Variants in DNAH9 observed in about 807,000 individuals in gnomAD.
DNAH9 encodes the protein dynein axonemal heavy chain 9.
A neutral mutation model predicts 471.6 loss-of-function variants in DNAH9; 345 were observed. The observed-to-expected ratio is 0.73, with a 90% CI of 0.67 to 0.80. The LOEUF is 0.80. Among genes scored for constraint, DNAH9 ranks in the 30% least tolerant of loss-of-function variants. DNAH9 has a pLI of 0.00. For synonymous variants in DNAH9, 2,093 were observed against 2,123.6 expected, an observed-to-expected ratio of 0.99 and a Z score of 0.40; for missense variants, 5,407 against 5,609.2, an observed-to-expected ratio of 0.96 and a Z score of 1.15.
In DNAH9 at chr17:11,608,124, T is replaced by A. The variant is rs777758482; in HGVS notation, c.418-5T>A. The A allele has an allele frequency of 6.3e-7, 1 of 1,584,942 alleles. No individual in the cohort carries two copies. The highest frequency in any genetic ancestry group is 8.6e-7 in the Non-Finnish European group (1 of 1,161,662). On this transcript the variant is annotated splice_polypyrimidine_tract_variant and splice_region_variant and intron_variant, in intron 1 of 68. Coordinates refer to ENST00000262442, the MANE Select transcript of DNAH9 (RefSeq NM_001372.4). Reference sequence around the variant, plus strand: ...GCCTTTCTTTCCTGTGCACCTCTGTTCCAGGTTGTTCTACCCGTCCTGGCC... The same window carrying A: ...GCCTTTCTTTCCTGTGCACCTCTGTACCAGGTTGTTCTACCCGTCCTGGCC...
Position 11,937,413 on chromosome 17 carries a change from A to G in DNAH9, c.12551A>G (p.Glu4184Gly). The change falls in exon 66 of 69, where the codon GAG (glutamate) becomes GGG (glycine). Residue 4184 changes from glutamate (E) to glycine (G), a missense_variant. Glu to Gly is a moderately conservative substitution (Grantham distance 98). Around this residue, in one of 3 missense-constraint regions of DNAH9, gnomAD observed 4,636 missense variants for 4,900.3 expected, o/e 0.95. Transcript: ENST00000262442. The surrounding 1 kb of genome is among the most constrained non-coding windows in gnomAD (Gnocchi z 4.1). ...CTCTATGGCCTCCACCCGAACGCAG[A>G]GATTGGCTTCCTGACCCAAACCTCA... Reference protein sequence around the residue: ...PYLYGLHPNAEIGFLTQTSEK... With the variant: ...PYLYGLHPNAGIGFLTQTSEK... The G allele has an allele frequency of 6.2e-7, 1 of 1,614,096 alleles. No homozygotes were observed. The highest frequency in any genetic ancestry group is 8.5e-7 in the Non-Finnish European group (1 of 1,179,978).
chr17:11,599,676 G>A (rs1001375721), intron 1 of DNAH9, among the ~76,000 whole-genome samples: 3 of 152,154 alleles, frequency 2.0e-5, no homozygotes, highest in Non-Finnish European at 4.4e-5. Flanking sequence ...GCTCCAGAGA[G>A]ATTCCTGGGC....
intron 40 of DNAH9, 117 bp from the exon 41 acceptor site, chr17:11,784,183 G>T (rs1169061645): frequency 1.3e-6 from 2 of 1,513,758 alleles, no homozygotes; most frequent in Non-Finnish European, 8.9e-7. Flanking sequence ...TGAGAGATGG[G>T]ACCAAAATAT....
At chr17:11,909,452 C>T (rs969964474) in intron 61 of DNAH9, among the ~76,000 whole-genome samples, 6 of 152,188 alleles carry the variant, frequency 3.9e-5, no homozygotes, top group African/African-American at 1.4e-4. Flanking sequence ...CGGTCTTGAA[C>T]TGTCTCCCCT....
intron 22 of DNAH9, among the ~76,000 whole-genome samples, chr17:11,698,281 ATATT>A (rs2074527213): frequency 7.3e-6 from 1 of 136,412 alleles, no homozygotes; most frequent in Non-Finnish European, 1.5e-5. Flanking sequence ...AATATATTAT[ATATT>A]AATAATTATA....
intron 19 of DNAH9, among the ~76,000 whole-genome samples, chr17:11,686,443 C>G (rs946850868): frequency 6.6e-6 from 1 of 152,164 alleles, no homozygotes; most frequent in Admixed American, 6.6e-5. Flanking sequence ...TGTTCTTATA[C>G]TGTATCATTT....
rs1015241427 is a variant in DNAH9 at position 11,809,081 on chromosome 17, T to C, written c.8584-1165T>C. ...GAACTGATGGCTGAGCTTGGGGAGG[T>C]TGATACACCAAAGGAACTGAGATTG... is the stretch of plus-strand genomic sequence containing the variant. On this transcript the variant is annotated intron_variant, in intron 44 of 68. Transcript: ENST00000262442. 2.6e-5 allele frequency among the ~76,000 whole-genome samples: 4 copies of C among 151,818 alleles called. No individual in the cohort carries two copies. In the East Asian group the frequency reaches 7.8e-4, roughly 29 times the overall value.
At chr17:11,659,431 G>A (rs1222736216) in intron 14 of DNAH9, among the ~76,000 whole-genome samples, 2 of 152,098 alleles carry the variant, frequency 1.3e-5, no homozygotes, top group Non-Finnish European at 2.9e-5. Context: ...GCCAAAGGGT[G>A]GAAGGCTGCC....
chr17:11,919,872 G>A (rs1233526079), intron 61 of DNAH9, among the ~76,000 whole-genome samples: 3 of 151,998 alleles, frequency 2.0e-5, no homozygotes, highest in Non-Finnish European at 4.4e-5. Flanking sequence ...AAATAGGTGG[G>A]GAAGAAATAA....
chr17:11,863,749 G>A (rs1400687477), intron 50 of DNAH9, among the ~76,000 whole-genome samples: 1 of 149,956 alleles, frequency 6.7e-6, no homozygotes, highest in African/African-American at 2.4e-5. Flanking sequence ...TTTAGTCTTG[G>A]GAGAGTGTAT....
intron 53 of DNAH9, chr17:11,875,938 G>C (rs953311407): frequency 6.6e-6 from 1 of 152,234 alleles, no homozygotes; most frequent in Non-Finnish European, 1.5e-5. Context: ...TCATTCATTA[G>C]GAGGTTGATA....
At chr17:11,642,509 G>A (rs1371154369) in intron 10 of DNAH9, among the ~76,000 whole-genome samples, 4 of 152,204 alleles carry the variant, frequency 2.6e-5, no homozygotes, top group East Asian at 1.9e-4. Flanking sequence ...CCGAGATTGC[G>A]CCATTGCACT....
rs147224488 is a variant in DNAH9, at chr17:11,705,015, C to G, written c.5392-10C>G. 1 of 1,612,692 alleles carries G rather than the reference C, an allele frequency of 6.2e-7. No individual in the cohort carries two copies. The highest frequency in any genetic ancestry group is 1.3e-5 in the African/African-American group (1 of 74,918). On this transcript the variant is annotated splice_polypyrimidine_tract_variant and intron_variant, in intron 25 of 68. Transcript: ENST00000262442. ...TGATTCACCCACCTACTCTACCACT[C>G]TCTCTTTAGGTAGACAATGCCCAGG...
At chr17:11,650,095 A>C (rs933322639) in intron 12 of DNAH9, among the ~76,000 whole-genome samples, 5 of 152,170 alleles carry the variant, frequency 3.3e-5, no homozygotes, top group Admixed American at 1.3e-4. Context: ...CAGTTAAATT[A>C]TTAATATCTA....
intron 32 of DNAH9, 25 bp downstream of exon 32, chr17:11,747,791 A>G: frequency 1.3e-6 from 2 of 1,599,908 alleles, no homozygotes; most frequent in Non-Finnish European, 1.7e-6. Flanking sequence ...CTCCCAGGAG[A>G]AAGTCTCTGC....
Position 11,598,900 on chromosome 17 carries a change from C to G in DNAH9, c.402C>G (p.Ala134=), listed in dbSNP as rs765370000. Residue 134 remains alanine, a synonymous_variant, in exon 1 of 69, where the codon GCC becomes GCG. Transcript: ENST00000262442. ...DLPAAPLEHL[A]ALFSEVVLPV... Reference sequence around the variant, plus strand: ...CCGCGGCACCTCTGGAGCACCTAGCCGCGCTGTTCTCGGAGGTGAGGGTGG... The same window carrying G: ...CCGCGGCACCTCTGGAGCACCTAGCGGCGCTGTTCTCGGAGGTGAGGGTGG... 29 of 1,529,416 alleles carry G rather than the reference C, an allele frequency of 1.9e-5. No homozygotes were observed. In the South Asian group the frequency reaches 2.7e-4, roughly 14 times the overall value. The allele number at this position is 1,529,416 out of a possible 1,614,324, so 94.7% of individuals were successfully genotyped here.
chr17:11,742,818 T>G (rs1378020119), intron 30 of DNAH9, among the ~76,000 whole-genome samples: 2 of 152,236 alleles, frequency 1.3e-5, no homozygotes, highest in African/African-American at 4.8e-5. Context: ...TTGTCAAGGA[T>G]AGATGACCAA....
At position 11,671,764 on chromosome 17, in the gene DNAH9, G is replaced by A. The variant is rs555806492; in HGVS notation, c.3353+1970G>A. ...GTGAAAGGATCAAAAACACATGGTT[G>A]ATACAGGACGTGGTAACAGCAGCTG... On this transcript the variant is annotated intron_variant, in intron 17 of 68. Coordinates refer to ENST00000262442, the MANE Select transcript of DNAH9 (RefSeq NM_001372.4). Among the ~76,000 whole-genome samples, 8 of 152,344 alleles carry A rather than the reference G, an allele frequency of 5.3e-5. No individual in the cohort carries two copies. The East Asian group carries it at 1.5e-3, about 29-fold the overall frequency.
chr17:11,659,402 A>G (rs536062196), intron 14 of DNAH9, among the ~76,000 whole-genome samples: 7 of 152,138 alleles, frequency 4.6e-5, no homozygotes, highest in Non-Finnish European at 1.0e-4. Flanking sequence ...CTTGTGGCCT[A>G]TGGAACACCA....
Sources: allele counts gnomAD v4.1 joint callset (sites outside exome capture counted in the v4.1 genomes callset), GRCh38; gene constraint gnomAD v4.1.1; regional missense constraint gnomAD v4.1.1; non-coding constraint Gnocchi (gnomAD v3.1); transcripts MANE v1.5; gene names NCBI Gene and HGNC (gene_info 2026-07-23, HGNC 2026-07-21).